The following CDH2 variants were observed in gnomAD, a reference collection of about 807,000 sequenced individuals.
CDH2 encodes the protein cadherin 2.
A neutral mutation model predicts 92.0 loss-of-function variants in CDH2; 17 were observed. The observed-to-expected ratio is 0.18, with a 90% CI of 0.13 to 0.28. The LOEUF (loss-of-function observed/expected upper bound fraction) is 0.28. Ranked by LOEUF, CDH2 falls within the 10% of genes least tolerant of loss-of-function variation. The probability of loss-of-function intolerance (pLI) is 1.00; values close to 1 mark genes in which losing one functional copy is unlikely to be tolerated. For missense variants in CDH2, 862 were observed against 1,133.1 expected (o/e 0.76, Z 3.44); for synonymous variants, 419 against 415.9 (o/e 1.01, Z -0.09).
chr18:28,024,681 T>G (rs190911468), intron 2 of CDH2, among the ~76,000 whole-genome samples: 39 of 151,854 alleles, frequency 2.6e-4, no homozygotes, highest in African/African-American at 9.4e-4. Context: ...ACTGTTCTCT[T>G]TAGTAATTTA....
At chr18:28,000,390 C>A (rs1330022727) in intron 7 of CDH2, among the ~76,000 whole-genome samples, 1 of 152,218 alleles carries the variant, frequency 6.6e-6, no homozygotes, top group Non-Finnish European at 1.5e-5. Flanking sequence ...GTATGAGCCA[C>A]CGTGCCTGGC....
chr18:28,172,648 T>C (rs1054099784), intron 1 of CDH2, among the ~76,000 whole-genome samples: 1 of 152,180 alleles, frequency 6.6e-6, no homozygotes, highest in Non-Finnish European at 1.5e-5. Flanking sequence ...CTTATTCAGA[T>C]GACAAAATCC....
At chr18:28,121,970 G>C (rs2015595740) in intron 2 of CDH2, among the ~76,000 whole-genome samples, 2 of 152,116 alleles carry the variant, frequency 1.3e-5, no homozygotes, top group Non-Finnish European at 2.9e-5. Flanking sequence ...AGAACTAAAG[G>C]TGATAGAAAA....
chr18:28,067,225 C>T (rs1362831825), intron 2 of CDH2, among the ~76,000 whole-genome samples: 1 of 152,120 alleles, frequency 6.6e-6, no homozygotes, highest in African/African-American at 2.4e-5. Flanking sequence ...AGATAATTCA[C>T]ATATACAATT....
At position 27,990,181 on chromosome 18, in the gene CDH2, C is replaced by T. The variant is rs143201939; in HGVS notation, c.1514G>A (p.Arg505His). ...ACCGGCATGAAGCCCTTCTTCTTGG[C>T]GAATGATCTTAGGATTGGGGGCAAA... The part of the protein sequence containing the change: ...PYFAPNPKII[R>H]QEEGLHAGTM... Residue 505 changes from arginine to histidine, a missense_variant, in exon 10 of 16, where the codon CGC becomes CAC. Arg to His is a conservative substitution (Grantham distance 29). Coordinates refer to ENST00000269141, the MANE Select transcript of CDH2 (RefSeq NM_001792.5). The T allele has an allele frequency of 2.8e-5, 45 of 1,613,880 alleles. No individual in the cohort carries two copies. The highest frequency in any genetic ancestry group is 5.3e-5 in the African/African-American group (4 of 74,888).
chr18:27,965,913 G>A (rs529751562), intron 14 of CDH2, among the ~76,000 whole-genome samples: 4 of 149,542 alleles, frequency 2.7e-5, no homozygotes, highest in Non-Finnish European at 5.9e-5. Context: ...GCTTGAACTC[G>A]GGAGGTGAAA....
intron 2 of CDH2, among the ~76,000 whole-genome samples, chr18:28,122,626 T>C (rs934748996): frequency 1.3e-5 from 2 of 152,140 alleles, no homozygotes; most frequent in African/African-American, 2.4e-5. Context: ...ATACAAAATA[T>C]GGTTAACGGA....
chr18:27,943,801 G>A (rs1017350158), intron 6 of CDH2, among the ~76,000 whole-genome samples: 3 of 152,076 alleles, frequency 2.0e-5, no homozygotes, highest in Non-Finnish European at 2.9e-5. Flanking sequence ...CCACAAAAGA[G>A]GTCCACTTTA....
chr18:27,945,323 A>ATTTTTTTTTTTTTTT (rs66537834), intron 6 of CDH2, among the ~76,000 whole-genome samples: 10 of 66,460 alleles, frequency 1.5e-4, no homozygotes, highest in African/African-American at 4.7e-4. Flanking sequence ...AGGAAGGAAG[A>ATTTTTTTTTTTTTTT]TTTTTTTTTT....
At position 28,014,345 on chromosome 18, in the gene CDH2, G is replaced by T. The variant is rs929416992; in HGVS notation, c.173-436C>A. Among the ~76,000 whole-genome samples, 8 of 152,150 alleles carry T rather than the reference G, an allele frequency of 5.3e-5. No individual in the cohort carries two copies. In the South Asian group the frequency reaches 1.7e-3, roughly 31 times the overall value. ...TCTGCTACCTCAGTTTCTTAGTCATGTCTGACACTGCTTGGAAGAGGCAGT... is the reference window on the plus strand; with the variant it reads ...TCTGCTACCTCAGTTTCTTAGTCATTTCTGACACTGCTTGGAAGAGGCAGT... On this transcript the variant is annotated intron_variant, in intron 2 of 15. Transcript: ENST00000269141.
chr18:28,036,327 T>C, intron 2 of CDH2: 1 of 628,620 alleles, frequency 1.6e-6, no homozygotes, highest in Non-Finnish European at 2.8e-6. Context: ...GATTTTAGGT[T>C]AACAGAAATT....
At chr18:27,997,020 G>A (rs559929788) in intron 7 of CDH2, among the ~76,000 whole-genome samples, 122 of 152,178 alleles carry the variant, frequency 8.0e-4, no homozygotes, top group Non-Finnish European at 1.3e-3. Flanking sequence ...CCTTTTTAAA[G>A]CTTAATTTAT....
chr18:28,019,601 T>C (rs1382098835), intron 2 of CDH2, among the ~76,000 whole-genome samples: 1 of 152,084 alleles, frequency 6.6e-6, no homozygotes, highest in Non-Finnish European at 1.5e-5. Context: ...GAGGTTGACC[T>C]AAGAGAGTCT....
intron 2 of CDH2, among the ~76,000 whole-genome samples, chr18:28,106,469 C>A (rs1414453604): frequency 2.7e-5 from 2 of 74,322 alleles, no homozygotes. Context: ...ATCAACTTAC[C>A]AGAGTTTTTT....
intron 2 of CDH2, among the ~76,000 whole-genome samples, chr18:28,119,193 C>T (rs1009636988): frequency 6.6e-6 from 1 of 152,094 alleles, no homozygotes; most frequent in Non-Finnish European, 1.5e-5. Context: ...TCCTGTGACT[C>T]GGACCAGGTA....
rs1328416219 is a variant in CDH2, at chr18:28,006,058, T to C, written c.703-65A>G. The stretch of plus-strand genomic sequence containing the variant: ...TGTCTGTGAGAAGATAAATACATCA[T>C]CATAAGGCTACAAAAATAGCAAGAA... On this transcript the variant is annotated intron_variant, in intron 5 of 15. Transcript: ENST00000269141. 1.8e-5 allele frequency: 23 copies of C among 1,263,088 alleles called. No homozygotes were observed. In the East Asian group the frequency reaches 5.2e-4, roughly 28 times the overall value. 78.2% of individuals were successfully genotyped at this position (1,263,088 alleles called of 1,614,324 possible). A position where few individuals can be genotyped will look rare whatever the true frequency, so the allele number is the denominator to read the frequency against.
At chr18:28,136,660 G>A (rs17469196) in intron 2 of CDH2, among the ~76,000 whole-genome samples, 1 of 152,072 alleles carries the variant, frequency 6.6e-6, no homozygotes, top group Admixed American at 6.6e-5. Context: ...AGACAAGAAA[G>A]AAGACTTAAT....
At position 28,108,343 on chromosome 18, in the gene CDH2, T is replaced by C. The variant is rs547922388; in HGVS notation, c.172+39330A>G. On this transcript the variant is annotated intron_variant, in intron 2 of 15. Coordinates refer to ENST00000269141, the MANE Select transcript of CDH2 (RefSeq NM_001792.5). ...TTCTACAGAAAAGCATCATTAACTC[T>C]TTCTGGTCACTGGAATCTACAGTCA... is the stretch of plus-strand genomic sequence containing the variant. Among the ~76,000 whole-genome samples, 11 of 152,316 alleles carry C rather than the reference T, an allele frequency of 7.2e-5. No individual in the cohort carries two copies. The East Asian group carries it at 1.7e-3, about 24-fold the overall frequency.
rs17493105 is a variant in CDH2, at chr18:27,957,929, G to C, written c.2514+5428C>G. ...GATTTTAATTGTTTTCTTACAATTA[G>C]AGAACAGCAGAAAATCTTTTACTCC... On this transcript the variant is annotated intron_variant, in intron 15 of 15. Transcript: ENST00000269141. Among the ~76,000 whole-genome samples the C allele has an allele frequency of 2.1e-3, 323 of 152,232 alleles. 4 individuals carry two copies. Among genetic ancestry groups the C allele is most frequent in the African/African-American group, 7.3e-3 (304 of 41,538 alleles).
Sources: gnomAD v4.1 joint callset for allele counts (sites outside exome capture counted in the v4.1 genomes callset) on GRCh38, gnomAD v4.1.1 for gene constraint, MANE v1.5 for transcripts, NCBI Gene and HGNC (gene_info 2026-07-23, HGNC 2026-07-21) for gene names.